NLGN1: variants seen among roughly 807,000 people sequenced by gnomAD.
NLGN1 encodes neuroligin-1.
NLGN1 carries 12 observed loss-of-function variants against 65.5 expected under a neutral mutation model. The observed-to-expected ratio is 0.18, with a 90% CI of 0.12 to 0.30. The LOEUF (loss-of-function observed/expected upper bound fraction) is 0.30. Ranked by LOEUF, NLGN1 falls within the 10% of genes least tolerant of loss-of-function variation. The pLI is 1.00. For synonymous variants in NLGN1, 350 were observed against 359.5 expected (o/e 0.97, Z 0.30); for missense variants, 750 against 1,007.1 (o/e 0.74, Z 3.46).
chr3:173,794,390 G>T (rs1713512053), intron 3 of NLGN1, among the ~76,000 whole-genome samples: 1 of 152,118 alleles, frequency 6.6e-6, no homozygotes, highest in African/African-American at 2.4e-5. Context: ...TTGTTAAACA[G>T]CTGGATGACA....
chr3:174,105,646 A>G (rs1216547128), intron 4 of NLGN1, among the ~76,000 whole-genome samples: 1 of 147,822 alleles, frequency 6.8e-6, no homozygotes, highest in Non-Finnish European at 1.5e-5. Context: ...TGTCTTCACC[A>G]TACTGAGAGA....
intron 4 of NLGN1, among the ~76,000 whole-genome samples, chr3:173,909,597 T>C (rs901696393): frequency 6.6e-6 from 1 of 152,232 alleles, no homozygotes; most frequent in Non-Finnish European, 1.5e-5. Flanking sequence ...TTTCAGTGGT[T>C]ACATTTAAGT....
chr3:173,562,563 A>G (rs915550266), intron 2 of NLGN1, among the ~76,000 whole-genome samples: 1 of 140,906 alleles, frequency 7.1e-6, no homozygotes, highest in Non-Finnish European at 1.5e-5. Flanking sequence ...AAGATTGTCT[A>G]AAAAAAAAAA....
intron 3 of NLGN1, among the ~76,000 whole-genome samples, chr3:173,690,079 T>TAAGTAATA (rs1765243986): frequency 6.6e-6 from 1 of 152,192 alleles, no homozygotes; most frequent in Non-Finnish European, 1.5e-5. Flanking sequence ...ATATTAATCA[T>TAAGTAATA]TTACTTACTG....
chr3:174,125,285 A>G (rs1043680288), intron 4 of NLGN1, among the ~76,000 whole-genome samples: 1 of 152,162 alleles, frequency 6.6e-6, no homozygotes, highest in African/African-American at 2.4e-5. Flanking sequence ...CCTATAGGCC[A>G]TATTGGCTTA....
At chr3:173,453,980 A>T (rs1236748580) in intron 2 of NLGN1, among the ~76,000 whole-genome samples, 12 of 152,218 alleles carry the variant, frequency 7.9e-5, no homozygotes. Flanking sequence ...TTTCTTAAAT[A>T]ATAAGACTTG....
intron 4 of NLGN1, among the ~76,000 whole-genome samples, chr3:174,190,601 A>T (rs988347201): frequency 1.3e-5 from 2 of 152,142 alleles, no homozygotes; most frequent in African/African-American, 4.8e-5. Flanking sequence ...AGACTTATTG[A>T]TATAACTATG....
chr3:173,510,473 G>A (rs981037356), intron 2 of NLGN1, among the ~76,000 whole-genome samples: 1 of 152,160 alleles, frequency 6.6e-6, no homozygotes, highest in African/African-American at 2.4e-5. Context: ...GCAGTGAAAG[G>A]TTCAGGTAGA....
chr3:174,113,224 A>G (rs1715627773), intron 4 of NLGN1, among the ~76,000 whole-genome samples: 1 of 152,000 alleles, frequency 6.6e-6, no homozygotes, highest in African/African-American at 2.4e-5. Context: ...AATAGTATAC[A>G]ATCTCCAAAA....
chr3:173,537,019 C>G (rs371324693), intron 2 of NLGN1, among the ~76,000 whole-genome samples: 19 of 152,324 alleles, frequency 1.2e-4, no homozygotes, highest in East Asian at 9.6e-4. Flanking sequence ...TTCTCCCTTA[C>G]TCAACATTTG....
intron 4 of NLGN1, among the ~76,000 whole-genome samples, chr3:174,089,445 G>A (rs1744086036): frequency 6.6e-6 from 1 of 152,058 alleles, no homozygotes; most frequent in South Asian, 2.1e-4. Flanking sequence ...AAAACCTAGA[G>A]TCCACAAAAA....
intron 2 of NLGN1, among the ~76,000 whole-genome samples, chr3:173,576,257 T>G (rs1745479940): frequency 6.6e-6 from 1 of 152,208 alleles, no homozygotes; most frequent in Admixed American, 6.5e-5. Flanking sequence ...ACATTATGTT[T>G]CTATGGGCAG....
At chr3:173,910,355 C>T (rs1184536468) in intron 4 of NLGN1, 1 of 152,036 alleles carries the variant, frequency 6.6e-6, no homozygotes, top group African/African-American at 2.4e-5. Context: ...CCTTGAAGGA[C>T]AAGGACAGGA....
At chr3:173,885,549 A>G (rs1465828433) in intron 4 of NLGN1, among the ~76,000 whole-genome samples, 2 of 152,112 alleles carry the variant, frequency 1.3e-5, no homozygotes, top group South Asian at 2.1e-4. Context: ...ACAGATAAAA[A>G]TTTGATATAT....
chr3:174,102,433 T>C (rs1712748954), intron 4 of NLGN1, among the ~76,000 whole-genome samples: 1 of 152,130 alleles, frequency 6.6e-6, no homozygotes, highest in Admixed American at 6.6e-5. Context: ...ATATTACAGA[T>C]GTGGAAAAGG....
chr3:174,271,471 C>A (rs986981279), intron 4 of NLGN1, among the ~76,000 whole-genome samples: 3 of 151,792 alleles, frequency 2.0e-5, no homozygotes, highest in African/African-American at 7.2e-5. Flanking sequence ...TATCTGAGTT[C>A]CATATACAAC....
At chr3:173,570,610 A>G (rs1744495143) in intron 2 of NLGN1, among the ~76,000 whole-genome samples, 1 of 152,202 alleles carries the variant, frequency 6.6e-6, no homozygotes, top group Non-Finnish European at 1.5e-5. Context: ...GCTGGTGGGG[A>G]TGGGAACTTG....
chr3:173,566,011 A>G (rs1743597188), intron 2 of NLGN1, among the ~76,000 whole-genome samples: 1 of 152,342 alleles, frequency 6.6e-6, no homozygotes, highest in South Asian at 2.1e-4. Context: ...ACTCAAAGTA[A>G]GTAAAATTAT....
intron 4 of NLGN1, among the ~76,000 whole-genome samples, chr3:174,131,684 C>T (rs1416931780): frequency 2.0e-5 from 3 of 152,090 alleles, no homozygotes; most frequent in Non-Finnish European, 4.4e-5. Flanking sequence ...CATTGAAGGA[C>T]TCAAATCAGG....
Sources: allele counts gnomAD v4.1 joint callset (sites outside exome capture counted in the v4.1 genomes callset), GRCh38; gene constraint gnomAD v4.1.1; transcripts MANE v1.5; gene names NCBI Gene and HGNC (gene_info 2026-07-23, HGNC 2026-07-21).